Variants in SMC1A observed in about 807,000 individuals in gnomAD.
SMC1A encodes the protein structural maintenance of chromosomes 1A.
In SMC1A, 4 loss-of-function variants were observed where a neutral mutation model predicts 94.5. The ratio of observed to expected loss-of-function variants is 0.04; its 90% CI spans 0.02 to 0.10. The LOEUF (loss-of-function observed/expected upper bound fraction) is 0.10. Ranked by LOEUF, SMC1A falls within the 10% of genes least tolerant of loss-of-function variation. SMC1A has a pLI of 1.00. For synonymous variants in SMC1A, 345 were observed against 347.7 expected (o/e 0.99, Z 0.09); for missense variants, 304 against 989.0 (o/e 0.31, Z 9.29).
intron 19 of SMC1A, among the ~76,000 whole-genome samples, chrX:53,393,223 A>C (rs1178982805): frequency 1.8e-5 from 2 of 111,644 alleles, no homozygotes; most frequent in Non-Finnish European, 3.8e-5. Context: ...GAATAGAAAA[A>C]ACATGTTCAG....
In SMC1A at chrX:53,415,126, T is replaced by C; in HGVS notation, c.153A>G (p.Glu51=). 2.5e-6 allele frequency: 3 copies of C among 1,211,479 alleles called. No homozygotes were observed. The highest frequency in any genetic ancestry group is 3.4e-6 in the Non-Finnish European group (3 of 895,264). ...LMDAISFVLG[E]KTSNLRVKTL... ...TCTTTACCCGCAGGTTGCTGGTTTT[T>C]TCACCTAGCACAAAGCTGATGGCAT... Residue 51 remains glutamate, a synonymous_variant, in exon 2 of 25, where the codon GAA becomes GAG. Transcript: ENST00000322213.
chrX:53,397,168 A>G (rs940639055), intron 16 of SMC1A, among the ~76,000 whole-genome samples: 12 of 111,315 alleles, frequency 1.1e-4, no homozygotes, highest in Non-Finnish European at 2.3e-4. Flanking sequence ...TGGAAGAATC[A>G]CCTCTGGCAA....
rs1398018648 is a variant in SMC1A at position 53,376,510 on chromosome X, C to G, written c.*3593G>C. The G allele has an allele frequency of 8.9e-6, 1 of 111,864 alleles. No homozygotes were observed. Among genetic ancestry groups the G allele is most frequent in the African/African-American group, 3.3e-5 (1 of 30,724 alleles). The allele number at this position is 111,864 out of a possible 1,213,427, so 9.2% of individuals were successfully genotyped here. A position where few individuals can be genotyped will look rare whatever the true frequency, so the allele number is the denominator to read the frequency against. On this transcript the variant is annotated 3_prime_UTR_variant, in exon 25 of 25. Transcript: ENST00000322213. ...AATTCTGTAGCCATGCATTTACGACCCTCTTCCAATCTGGTTCCTCTCTAC... is the reference window on the plus strand; with the variant it reads ...AATTCTGTAGCCATGCATTTACGACGCTCTTCCAATCTGGTTCCTCTCTAC...
chrX:53,404,805 C>T (rs782342352), intron 13 of SMC1A: 52 of 454,964 alleles, frequency 1.1e-4, no homozygotes, highest in Non-Finnish European at 1.7e-4. Flanking sequence ...AAGGTTGACA[C>T]TGAAAGGTGA....
At position 53,413,335 on chromosome X, in the gene SMC1A, C is replaced by T. The variant is rs2075720519; in HGVS notation, c.512G>A (p.Arg171Gln). The change falls in exon 4 of 25, where the codon CGA (arginine) becomes CAA (glutamine). Residue 171 changes from arginine (R) to glutamine (Q), a missense_variant. Arg to Gln is a conservative substitution (Grantham distance 43). This residue lies in a region of SMC1A where 120 missense variants were observed against 314.9 expected (regional missense o/e 0.38). Coordinates refer to ENST00000322213, the MANE Select transcript of SMC1A (RefSeq NM_006306.4). ...SGELAQEYDKRKKEMVKAEED... is the reference protein window; with the variant it reads ...SGELAQEYDKQKKEMVKAEED... ...TTCAGCCTTCACCATTTCCTTCTTT[C>T]GCTTGTCATACTCCTGCGCCAGCTC... 1 of 1,211,595 alleles carries T rather than the reference C, an allele frequency of 8.3e-7. No homozygotes were observed. Among genetic ancestry groups the T allele is most frequent in the Non-Finnish European group, 1.1e-6 (1 of 895,325 alleles).
At chrX:53,380,531 C>T (rs2075578370) in intron 24 of SMC1A, 89 bp downstream of exon 24, 1 of 615,225 alleles carries the variant, frequency 1.6e-6, no homozygotes, top group African/African-American at 2.2e-5. Flanking sequence ...TGCTCCCCCA[C>T]CTCCTTTCCC....
intron 1 of SMC1A, among the ~76,000 whole-genome samples, chrX:53,418,196 C>T (rs1368874445): frequency 8.9e-6 from 1 of 112,474 alleles, no homozygotes; most frequent in Non-Finnish European, 1.9e-5. Context: ...GATGGAGTCT[C>T]GCTCTATCGC....
intron 9 of SMC1A, among the ~76,000 whole-genome samples, chrX:53,407,846 A>C (rs2075696914): frequency 9.0e-6 from 1 of 111,500 alleles, no homozygotes. Context: ...CCTATCTCAC[A>C]GAAGAACACA....
At chrX:53,412,380 C>T (rs782337711) in intron 5 of SMC1A, 127 bp from the exon 6 acceptor site, 80 of 648,957 alleles carry the variant, frequency 1.2e-4, no homozygotes, top group Admixed American at 9.0e-4. Context: ...AGAACATGGG[C>T]GTAATGCCCC....
At chrX:53,381,237 C>T in intron 22 of SMC1A, 150 bp from the exon 23 acceptor site, 1 of 446,579 alleles carries the variant, frequency 2.2e-6, no homozygotes, top group East Asian at 3.7e-5. Context: ...TGCCTGAGCC[C>T]CTGAAAGCCA....
chrX:53,404,934 G>T, intron 13 of SMC1A, 78 bp downstream of exon 13: 2 of 1,104,867 alleles, frequency 1.8e-6, no homozygotes, highest in Non-Finnish European at 2.4e-6. Flanking sequence ...AGTGAAACAA[G>T]TTCCCCACCC....
chrX:53,389,905 A>G (rs868917037), intron 19 of SMC1A, among the ~76,000 whole-genome samples: 6 of 85,004 alleles, frequency 7.1e-5, no homozygotes, highest in African/African-American at 2.8e-4. Context: ...GCTGGAGTGC[A>G]ATGGCGTGAT....
At chrX:53,403,428 T>C (rs781828346) in intron 15 of SMC1A, 138 bp downstream of exon 15, 1 of 539,931 alleles carries the variant, frequency 1.9e-6, no homozygotes, top group Middle Eastern at 4.4e-4. Flanking sequence ...TCCTGATTTC[T>C]GTTCTTTAAG....
intron 13 of SMC1A, among the ~76,000 whole-genome samples, chrX:53,404,799 T>C (rs782291930): frequency 2.7e-5 from 3 of 111,649 alleles, no homozygotes; most frequent in Admixed American, 1.9e-4. Flanking sequence ...GATGTGAAGG[T>C]TGACACTGAA....
In SMC1A at chrX:53,402,500, T is replaced by C. The variant is rs782193637; in HGVS notation, c.2420+1066A>G. Among the ~76,000 whole-genome samples the C allele has an allele frequency of 1.3e-4, 14 of 108,752 alleles. No homozygotes were observed. In the East Asian group the frequency reaches 3.7e-3, roughly 29 times the overall value. 94.4% of individuals were successfully genotyped at this position (108,752 alleles called of 115,157 possible). Reference sequence around the variant, plus strand: ...ATGATAATAACAACAAAAGCTACTATTTCTTGCTCTTAGTAGATGATATGT... The same window carrying C: ...ATGATAATAACAACAAAAGCTACTACTTCTTGCTCTTAGTAGATGATATGT... On this transcript the variant is annotated intron_variant, in intron 15 of 24. Coordinates refer to ENST00000322213, the MANE Select transcript of SMC1A (RefSeq NM_006306.4).
At chrX:53,419,809 G>GA (rs781880219) in intron 1 of SMC1A, among the ~76,000 whole-genome samples, 1 of 98,049 alleles carries the variant, frequency 1.0e-5, no homozygotes, top group African/African-American at 3.9e-5. Context: ...GGGCGACAGA[G>GA]AAAGACTTCA....
chrX:53,418,165 C>T (rs149546866), intron 1 of SMC1A, among the ~76,000 whole-genome samples: 2,039 of 112,491 alleles, frequency 0.018, 47 homozygotes, highest in African/African-American at 0.063. Flanking sequence ...GTTTCATTTA[C>T]TTATTTTATT....
chrX:53,387,263 G>A (rs781926078), intron 19 of SMC1A, among the ~76,000 whole-genome samples: 1 of 112,092 alleles, frequency 8.9e-6, no homozygotes, highest in African/African-American at 3.2e-5. Context: ...CCAAAGTGCT[G>A]GGATTACAGG....
chrX:53,389,599 G>A (rs1602402004), intron 19 of SMC1A, among the ~76,000 whole-genome samples: 1 of 109,962 alleles, frequency 9.1e-6, no homozygotes, highest in Non-Finnish European at 1.9e-5. Flanking sequence ...GCATGGTGGC[G>A]GGCACCTGTA....
Sources: allele counts gnomAD v4.1 joint callset (sites outside exome capture counted in the v4.1 genomes callset), GRCh38; gene constraint gnomAD v4.1.1; regional missense constraint gnomAD v4.1.1; transcripts MANE v1.5; gene names NCBI Gene and HGNC (gene_info 2026-07-23, HGNC 2026-07-21).